The following NAV2 variants were observed in gnomAD, a reference collection of about 807,000 sequenced individuals.
NAV2 encodes neuron navigator 2, also known as helicase, APC down-regulated 1.
In NAV2, 54 loss-of-function variants were observed where a neutral mutation model predicts 223.2. The ratio of observed to expected loss-of-function variants is 0.24; its 90% CI spans 0.19 to 0.30. The LOEUF (loss-of-function observed/expected upper bound fraction) is 0.30. Ranked by LOEUF, NAV2 falls within the 10% of genes least tolerant of loss-of-function variation. The pLI, the probability that NAV2 is intolerant of heterozygous loss-of-function variation, is 1.00. For synonymous variants in NAV2, 1,279 were observed against 1,239.3 expected (o/e 1.03, Z -0.67); for missense variants, 2,806 against 3,147.5 (o/e 0.89, Z 2.60).
At chr11:19,956,357 G>GAC (rs1175384430) in intron 10 of NAV2, among the ~76,000 whole-genome samples, 1,735 of 144,676 alleles carry the variant, frequency 0.012, 45 homozygotes, top group African/African-American at 0.042. Context: ...CCACACCCCC[G>GAC]ACACACATAC....
At chr11:19,841,401 C>T (rs1184593771) in intron 2 of NAV2, among the ~76,000 whole-genome samples, 1 of 152,094 alleles carries the variant, frequency 6.6e-6, no homozygotes, top group African/African-American at 2.4e-5. Context: ...TTATCTTTTT[C>T]AGACAGTTTC....
chr11:19,545,917 A>G lies in NAV2; in HGVS notation c.75+194890A>G, dbSNP rs376942675. ...AGCCTTTTAAGCAGAACTTTTTGGT[A>G]TTTGTATTGTATTGTAGTTTGTATT... On this transcript the variant is annotated intron_variant, in intron 1 of 37. Transcript: ENST00000360655. Among the ~76,000 whole-genome samples, 315 of 152,248 alleles carry G rather than the reference A, an allele frequency of 2.1e-3. 1 individual carries two copies. The highest frequency in any genetic ancestry group is 7.2e-3 in the African/African-American group (298 of 41,540).
chr11:19,767,371 T>TG (rs1426889586), intron 1 of NAV2, among the ~76,000 whole-genome samples: 1 of 152,208 alleles, frequency 6.6e-6, no homozygotes, highest in Non-Finnish European at 1.5e-5. Flanking sequence ...GATCTAATCA[T>TG]GGGTCTAGAC....
intron 11 of NAV2, among the ~76,000 whole-genome samples, chr11:20,033,938 G>A (rs942426713): frequency 3.9e-5 from 6 of 152,212 alleles, no homozygotes; most frequent in African/African-American, 1.4e-4. Context: ...CTGAGTGGTA[G>A]AATAATGAGG....
chr11:19,999,517 C>T (rs1022332213), intron 11 of NAV2, among the ~76,000 whole-genome samples: 9 of 152,104 alleles, frequency 5.9e-5, no homozygotes, highest in Non-Finnish European at 1.2e-4. Context: ...TACAGGCACC[C>T]GCCACCATGC....
At chr11:19,876,865 A>G (rs1028270693) in intron 4 of NAV2, among the ~76,000 whole-genome samples, 1 of 151,016 alleles carries the variant, frequency 6.6e-6, no homozygotes, top group Non-Finnish European at 1.5e-5. Flanking sequence ...AGAATACTCA[A>G]ATGCCTACCA....
intron 6 of NAV2, among the ~76,000 whole-genome samples, chr11:19,930,985 T>TA (rs1169708975): frequency 6.6e-6 from 1 of 152,208 alleles, no homozygotes; most frequent in Non-Finnish European, 1.5e-5. Context: ...GCATTCTTCA[T>TA]CGAAGGAGGT....
At chr11:19,675,866 G>T (rs559627737) in intron 1 of NAV2, among the ~76,000 whole-genome samples, 3 of 152,218 alleles carry the variant, frequency 2.0e-5, no homozygotes, top group Admixed American at 1.3e-4. Context: ...AATATCAATC[G>T]CAAGAATGTT....
chr11:19,663,071 T>TA (rs555806917), intron 1 of NAV2, among the ~76,000 whole-genome samples: 1 of 151,936 alleles, frequency 6.6e-6, no homozygotes, highest in Non-Finnish European at 1.5e-5. Context: ...ACTGACCCTT[T>TA]CCCCCCAACC....
chr11:19,602,916 G>A (rs2046385534), intron 1 of NAV2, among the ~76,000 whole-genome samples: 1 of 152,170 alleles, frequency 6.6e-6, no homozygotes, highest in Admixed American at 6.5e-5. Context: ...ATATCATTTA[G>A]CGGACCACCA....
intron 7 of NAV2, among the ~76,000 whole-genome samples, chr11:19,935,526 C>T (rs1565593856): frequency 1.3e-5 from 2 of 152,126 alleles, no homozygotes; most frequent in African/African-American, 2.4e-5. Context: ...CCAAAGAATT[C>T]GATATTCCCT....
chr11:19,663,406 C>G (rs1388277786), intron 1 of NAV2, among the ~76,000 whole-genome samples: 4 of 152,130 alleles, frequency 2.6e-5, no homozygotes, highest in Admixed American at 2.6e-4. Context: ...GCAAATAAAA[C>G]AGAGGCTTAG....
intron 6 of NAV2, among the ~76,000 whole-genome samples, chr11:19,913,803 A>T (rs2043527207): frequency 6.6e-6 from 1 of 152,164 alleles, no homozygotes; most frequent in South Asian, 2.1e-4. Flanking sequence ...TAGTTACCTG[A>T]TGGATGGTGA....
intron 1 of NAV2, among the ~76,000 whole-genome samples, chr11:19,364,629 A>G (rs1396590147): frequency 6.6e-6 from 1 of 152,172 alleles, no homozygotes; most frequent in African/African-American, 2.4e-5. Flanking sequence ...GTCTGCTTAG[A>G]GCCCCTGAAC....
chr11:19,471,450 G>A (rs2041962991), intron 1 of NAV2, among the ~76,000 whole-genome samples: 1 of 152,148 alleles, frequency 6.6e-6, no homozygotes, highest in Non-Finnish European at 1.5e-5. Flanking sequence ...CTCTGTGCCG[G>A]CCATGTGGTG....
intron 1 of NAV2, among the ~76,000 whole-genome samples, chr11:19,432,991 T>C (rs1040692310): frequency 2.0e-5 from 3 of 152,144 alleles, no homozygotes; most frequent in African/African-American, 7.2e-5. Flanking sequence ...TTGCTCAAAC[T>C]GTGGCCAGCT....
intron 1 of NAV2, among the ~76,000 whole-genome samples, chr11:19,356,345 T>A (rs1408470085): frequency 6.6e-6 from 1 of 152,194 alleles, no homozygotes; most frequent in African/African-American, 2.4e-5. Flanking sequence ...TGAGATAGCA[T>A]GATTAGTCTT....
At chr11:20,082,545 C>T in intron 25 of NAV2, 2 of 1,611,062 alleles carry the variant, frequency 1.2e-6, no homozygotes, top group Non-Finnish European at 1.7e-6. Flanking sequence ...AAAAAATTGT[C>T]TTTTTTCCTC....
intron 3 of NAV2, among the ~76,000 whole-genome samples, chr11:19,846,596 C>T (rs900620613): frequency 6.6e-6 from 1 of 151,704 alleles, no homozygotes; most frequent in African/African-American, 2.4e-5. Context: ...TATATTAGCA[C>T]TAATACGCAT....
Sources: gnomAD v4.1 joint callset for allele counts (sites outside exome capture counted in the v4.1 genomes callset) on GRCh38, gnomAD v4.1.1 for gene constraint, MANE v1.5 for transcripts, NCBI Gene and HGNC (gene_info 2026-07-23, HGNC 2026-07-21) for gene names.